Variants in UBE2O observed in about 807,000 individuals in gnomAD.
UBE2O encodes ubiquitin conjugating enzyme E2 O, also known as (E3-independent) E2 ubiquitin-conjugating enzyme.
UBE2O carries 15 observed loss-of-function variants against 125.8 expected under a neutral mutation model. That is an observed-to-expected ratio of 0.12 (90% CI 0.08 to 0.18). UBE2O has a LOEUF of 0.18. UBE2O is among the 10% of genes least tolerant of loss of function. UBE2O has a pLI of 1.00. For synonymous variants in UBE2O, 708 were observed against 703.2 expected, an observed-to-expected ratio of 1.01 and a Z score of -0.11; for missense variants, 1,280 against 1,723.6, an observed-to-expected ratio of 0.74 and a Z score of 4.56.
At chr17:76,413,596 G>GCC (rs1567841615) in intron 1 of UBE2O, among the ~76,000 whole-genome samples, 2 of 152,172 alleles carry the variant, frequency 1.3e-5, no homozygotes, top group African/African-American at 4.8e-5. Flanking sequence ...TATAAAATGT[G>GCC]TATTTTACCG....
chr17:76,425,949 G>C (rs2072803865), intron 1 of UBE2O, among the ~76,000 whole-genome samples: 1 of 152,158 alleles, frequency 6.6e-6, no homozygotes, highest in African/African-American at 2.4e-5. Flanking sequence ...TTTTGGTGAA[G>C]AACAACTCCT....
Position 76,399,321 on chromosome 17 carries a change from G to T in UBE2O, c.1628+128C>A. ...CCAGGCACCTACGTTGTCTCGGGTG[G>T]GAGCCCCGGAGCCACTACAAGGCAT... is the stretch of plus-strand genomic sequence containing the variant. On this transcript the variant is annotated intron_variant, in intron 9 of 17. Transcript: ENST00000319380. The surrounding 1 kb of genome is among the most constrained non-coding windows in gnomAD (Gnocchi z 6.9). The T allele has an allele frequency of 5.2e-6, 5 of 954,408 alleles. No individual in the cohort carries two copies. Among genetic ancestry groups the T allele is most frequent in the Non-Finnish European group, 6.2e-6 (4 of 643,938 alleles). 59.1% of individuals were successfully genotyped at this position (954,408 alleles called of 1,614,324 possible).
At chr17:76,394,680 G>A (rs1422352763) in intron 15 of UBE2O, among the ~76,000 whole-genome samples, 1 of 152,044 alleles carries the variant, frequency 6.6e-6, no homozygotes, top group African/African-American at 2.4e-5. Flanking sequence ...AAGGTCATCC[G>A]TTTGGAAGGA....
At chr17:76,397,088 C>T (rs1015395309) in intron 13 of UBE2O, among the ~76,000 whole-genome samples, 1 of 152,320 alleles carries the variant, frequency 6.6e-6, no homozygotes, top group East Asian at 1.9e-4. Context: ...CTGCTCTGTG[C>T]ACTTCGTCAG....
intron 15 of UBE2O, among the ~76,000 whole-genome samples, chr17:76,394,992 C>T (rs549296756): frequency 3.9e-5 from 6 of 151,976 alleles, no homozygotes; most frequent in African/African-American, 1.2e-4. Context: ...TCTCCTGCCT[C>T]AGTCTCCCGA....
intron 1 of UBE2O, among the ~76,000 whole-genome samples, chr17:76,414,780 C>A (rs1375671367): frequency 6.6e-6 from 1 of 152,136 alleles, no homozygotes. Flanking sequence ...GCAGATGCTG[C>A]GGTGTTTGAT....
chr17:76,403,296 G>T (rs1029836088), intron 3 of UBE2O, among the ~76,000 whole-genome samples: 1 of 151,990 alleles, frequency 6.6e-6, no homozygotes, highest in Non-Finnish European at 1.5e-5. Flanking sequence ...TAGAGACAGG[G>T]TCTTGCTCTA....
At chr17:76,406,773 C>T (rs1389106568) in intron 1 of UBE2O, among the ~76,000 whole-genome samples, 3 of 142,114 alleles carry the variant, frequency 2.1e-5, no homozygotes, top group East Asian at 4.3e-4. Flanking sequence ...AGTCTCGGCT[C>T]GCTGCAACCT....
At chr17:76,428,181 T>C (rs2072842133) in intron 1 of UBE2O, among the ~76,000 whole-genome samples, 1 of 152,200 alleles carries the variant, frequency 6.6e-6, no homozygotes, top group Non-Finnish European at 1.5e-5. Context: ...ATCCAATCCA[T>C]CTTCATTCCC....
Position 76,395,498 on chromosome 17 carries a change from G to T in UBE2O, c.2946+227C>A. 1 of 499,134 alleles carries T rather than the reference G, an allele frequency of 2.0e-6. No individual in the cohort carries two copies. The highest frequency in any genetic ancestry group is 3.5e-6 in the Non-Finnish European group (1 of 287,428). 30.9% of individuals were successfully genotyped at this position (499,134 alleles called of 1,614,324 possible). ...TGAGCCACTGCGCCCGGCCGAGAAA[G>T]TAATTTTTTAAAGGAGGGAGGAAAG... On this transcript the variant is annotated intron_variant, in intron 15 of 17. Transcript: ENST00000319380. This position sits in a 1 kb window ranked among gnomAD's most constrained non-coding sequence, Gnocchi z 5.0.
intron 1 of UBE2O, among the ~76,000 whole-genome samples, chr17:76,444,906 C>A (rs1341836772): frequency 6.6e-6 from 1 of 152,204 alleles, no homozygotes; most frequent in South Asian, 2.1e-4. Flanking sequence ...TCCCTGGAGA[C>A]GTATTTGTGT....
At chr17:76,444,346 C>A (rs1043923700) in intron 1 of UBE2O, among the ~76,000 whole-genome samples, 1 of 152,148 alleles carries the variant, frequency 6.6e-6, no homozygotes, top group Non-Finnish European at 1.5e-5. Flanking sequence ...GTCAGGAGTT[C>A]GAGACCAGCC....
At chr17:76,424,801 G>T (rs1192063934) in intron 1 of UBE2O, among the ~76,000 whole-genome samples, 4 of 151,446 alleles carry the variant, frequency 2.6e-5, no homozygotes, top group South Asian at 2.1e-4. Context: ...CCGGGCAACA[G>T]AGCAAGACTC....
In UBE2O at chr17:76,395,686, C is replaced by T. The variant is rs1228944195; in HGVS notation, c.2946+39G>A. 1.3e-6 allele frequency: 2 copies of T among 1,588,920 alleles called. No homozygotes were observed. The highest frequency in any genetic ancestry group is 1.4e-5 in the African/African-American group (1 of 73,568). On this transcript the variant is annotated intron_variant, in intron 15 of 17. Coordinates refer to ENST00000319380, the MANE Select transcript of UBE2O (RefSeq NM_022066.4). The surrounding 1 kb of genome is among the most constrained non-coding windows in gnomAD (Gnocchi z 5.0). ...TGGCCTCTTGGGCACTGGGTGCCCA[C>T]ACAGCACATCTGCACCTGCCCATGC...
Position 76,400,650 on chromosome 17 carries a change from G to A in UBE2O, c.895-100C>T. The A allele has an allele frequency of 1.3e-6, 1 of 773,408 alleles. No homozygotes were observed. The allele number at this position is 773,408 out of a possible 1,614,324, so 47.9% of individuals were successfully genotyped here. ...CACTTGACCTCCAGAGCAGGAAACT[G>A]ATCTTCCTAGTGCAGCACCAAGTAC... On this transcript the variant is annotated intron_variant, in intron 6 of 17. Coordinates refer to ENST00000319380, the MANE Select transcript of UBE2O (RefSeq NM_022066.4). This position sits in a 1 kb window ranked among gnomAD's most constrained non-coding sequence, Gnocchi z 4.3.
At chr17:76,394,021 G>A (rs1333349384) in intron 15 of UBE2O, among the ~76,000 whole-genome samples, 1 of 152,212 alleles carries the variant, frequency 6.6e-6, no homozygotes, top group Non-Finnish European at 1.5e-5. Context: ...GCTGAGACAG[G>A]CTAGAATTTT....
intron 1 of UBE2O, among the ~76,000 whole-genome samples, chr17:76,448,907 T>A (rs1334775512): frequency 1.6e-4 from 24 of 152,230 alleles, no homozygotes. Context: ...CATGGCCAGA[T>A]GGACAGTTTC....
At chr17:76,430,418 C>T in intron 1 of UBE2O, 2 of 195,140 alleles carry the variant, frequency 1.0e-5, no homozygotes, top group South Asian at 1.6e-4. Context: ...GTAGACACCG[C>T]AGTTCATTCT....
intron 1 of UBE2O, among the ~76,000 whole-genome samples, chr17:76,409,259 C>T (rs72858197): frequency 0.24 from 36,984 of 151,958 alleles, 4,907 homozygotes; most frequent in East Asian, 0.49. Flanking sequence ...TGAGCCACCG[C>T]GCCCAGCCTA....
Sources: allele counts gnomAD v4.1 joint callset (sites outside exome capture counted in the v4.1 genomes callset), GRCh38; gene constraint gnomAD v4.1.1; non-coding constraint Gnocchi (gnomAD v3.1); transcripts MANE v1.5; gene names NCBI Gene and HGNC (gene_info 2026-07-23, HGNC 2026-07-21).